PDE4D: variants seen among roughly 807,000 people sequenced by gnomAD.
The protein encoded by PDE4D is phosphodiesterase 4D.
A neutral mutation model predicts 87.4 loss-of-function variants in PDE4D; 24 were observed. The observed-to-expected ratio is 0.27, with a 90% CI of 0.20 to 0.39. The LOEUF is 0.39. PDE4D is among the 10% of genes least tolerant of loss of function. The pLI is 1.00. For missense variants in PDE4D, 714 were observed against 1,041.0 expected, an observed-to-expected ratio of 0.69 and a Z score of 4.32; for synonymous variants, 384 against 383.2, an observed-to-expected ratio of 1.00 and a Z score of -0.02.
intron 1 of PDE4D, among the ~76,000 whole-genome samples, chr5:59,484,870 TGA>T (rs200104228): frequency 0.016 from 2,473 of 152,288 alleles, 83 homozygotes; most frequent in African/African-American, 0.057. Flanking sequence ...TGAATTTCTC[TGA>T]GAGTTCTAAA....
rs539664434 is a variant in PDE4D, at chr5:58,991,003, G to A, written c.1189-101C>T. On this transcript the variant is annotated intron_variant, in intron 8 of 14. Transcript: ENST00000340635. ...TAAAAATTACAGACCTTAGGTGGCCGGGCATAGAGGCTCAAGCCTGTAATC... is the reference window on the plus strand; with the variant it reads ...TAAAAATTACAGACCTTAGGTGGCCAGGCATAGAGGCTCAAGCCTGTAATC... 155 of 697,468 alleles carry A rather than the reference G, an allele frequency of 2.2e-4. No homozygotes were observed. In the African/African-American group the frequency reaches 2.2e-3, roughly 10 times the overall value. The allele number at this position is 697,468 out of a possible 1,614,324, so 43.2% of individuals were successfully genotyped here.
intron 6 of PDE4D, among the ~76,000 whole-genome samples, chr5:58,996,717 G>T (rs1300382590): frequency 1.3e-5 from 2 of 152,164 alleles, no homozygotes; most frequent in African/African-American, 4.8e-5. Context: ...GCTACCTGCA[G>T]ATATGCTACA....
At chr5:59,121,130 T>C (rs1223582557) in intron 5 of PDE4D, among the ~76,000 whole-genome samples, 4 of 152,142 alleles carry the variant, frequency 2.6e-5, no homozygotes, top group Non-Finnish European at 4.4e-5. Context: ...TTCAGGACAT[T>C]GGTCTAGGCA....
chr5:59,431,210 G>GT (rs1215811615), intron 1 of PDE4D, among the ~76,000 whole-genome samples: 5 of 152,038 alleles, frequency 3.3e-5, no homozygotes, highest in African/African-American at 4.8e-5. Flanking sequence ...TTTGTAAGCT[G>GT]TTTTTTCATA....
chr5:59,923,202 C>G (rs979815319), intron 3 of PDE4D, among the ~76,000 whole-genome samples: 1 of 152,136 alleles, frequency 6.6e-6, no homozygotes, highest in South Asian at 2.1e-4. Context: ...AATAGAACAC[C>G]AGGTAGCTTC....
chr5:60,472,322 C>T lies in PDE4D; in HGVS notation c.-90+15620G>A, dbSNP rs190894628. The stretch of plus-strand genomic sequence containing the variant: ...AGGTCATTTTTCCCAGGTCACACAG[C>T]TAATAAGCAGCAAAGCCTGATTCCA... On this transcript the variant is annotated intron_variant, in intron 1 of 16. Coordinates refer to the PDE4D transcript ENST00000502484. Among the ~76,000 whole-genome samples the T allele has an allele frequency of 9.2e-5, 14 of 152,206 alleles. No individual in the cohort carries two copies. The East Asian group carries it at 2.7e-3, about 29-fold the overall frequency.
At chr5:60,408,223 C>T (rs1050648118) in intron 1 of PDE4D, among the ~76,000 whole-genome samples, 3 of 152,180 alleles carry the variant, frequency 2.0e-5, no homozygotes, top group Non-Finnish European at 4.4e-5. Flanking sequence ...TGACCTGTAG[C>T]TTCCTGCGTG....
chr5:59,707,597 C>A (rs984827680), intron 1 of PDE4D, among the ~76,000 whole-genome samples: 1 of 152,104 alleles, frequency 6.6e-6, no homozygotes, highest in African/African-American at 2.4e-5. Context: ...GTTGCTGAAC[C>A]TATCAACCCA....
intron 1 of PDE4D, among the ~76,000 whole-genome samples, chr5:59,823,955 G>A (rs1037556181): frequency 1.3e-4 from 19 of 151,214 alleles, no homozygotes; most frequent in East Asian, 5.8e-4. Context: ...TTGATTTAAC[G>A]TAGTCTCTGT....
At chr5:60,048,267 G>A (rs372023828) in intron 2 of PDE4D, among the ~76,000 whole-genome samples, 11 of 152,104 alleles carry the variant, frequency 7.2e-5, no homozygotes, top group Admixed American at 1.3e-4. Flanking sequence ...GTCTCTGCAC[G>A]TGAGATGGTT....
At chr5:59,424,991 A>G (rs1261595461) in intron 1 of PDE4D, among the ~76,000 whole-genome samples, 7 of 152,222 alleles carry the variant, frequency 4.6e-5, no homozygotes, top group Non-Finnish European at 8.8e-5. Context: ...CCTAGTCTGG[A>G]GCTACAATAA....
At chr5:60,063,253 CATT>C (rs1771690696) in intron 2 of PDE4D, among the ~76,000 whole-genome samples, 1 of 151,956 alleles carries the variant, frequency 6.6e-6, no homozygotes, top group African/African-American at 2.4e-5. Flanking sequence ...TTTATGTAAA[CATT>C]AGGATCCACT....
chr5:58,974,624 T>A lies in PDE4D; in HGVS notation c.*40A>T, dbSNP rs1743244212. 6.7e-7 allele frequency: 1 copy of A among 1,501,110 alleles called. No homozygotes were observed. The highest frequency in any genetic ancestry group is 1.4e-5 in the African/African-American group (1 of 70,444). The allele number at this position is 1,501,110 out of a possible 1,614,324, so 93.0% of individuals were successfully genotyped here. On this transcript the variant is annotated 3_prime_UTR_variant, in exon 15 of 15. Transcript: ENST00000340635. ...TGACATGCACTTTGGAAACAATTTT[T>A]CTACTTAAAAAAAAAAAAGGCATGA...
chr5:59,592,245 C>T (rs766239563), intron 1 of PDE4D: 12 of 604,528 alleles, frequency 2.0e-5, no homozygotes, highest in Middle Eastern at 8.5e-4. Context: ...TGTTGATAGT[C>T]ATGACTTTCC....
chr5:59,494,592 AC>A (rs1351330556), intron 1 of PDE4D, among the ~76,000 whole-genome samples: 2 of 152,218 alleles, frequency 1.3e-5, no homozygotes, highest in Non-Finnish European at 2.9e-5. Flanking sequence ...ATATGCCCAA[AC>A]TTTTGCAAAA....
chr5:59,992,783 A>T (rs1763145509), intron 2 of PDE4D, among the ~76,000 whole-genome samples: 1 of 152,156 alleles, frequency 6.6e-6, no homozygotes, highest in African/African-American at 2.4e-5. Context: ...GTTAGTTTAA[A>T]CCCACTTTCT....
intron 1 of PDE4D, among the ~76,000 whole-genome samples, chr5:60,415,578 A>C (rs757610117): frequency 1.1e-4 from 17 of 152,208 alleles, no homozygotes; most frequent in Non-Finnish European, 2.4e-4. Context: ...CACCCCGGGC[A>C]GTGAGGGGCT....
At chr5:59,775,704 G>C (rs991659405) in intron 1 of PDE4D, among the ~76,000 whole-genome samples, 1 of 152,124 alleles carries the variant, frequency 6.6e-6, no homozygotes, top group Non-Finnish European at 1.5e-5. Flanking sequence ...ACAAACGTTT[G>C]TTGTCTTTGT....
At chr5:60,173,887 C>G (rs1375514293) in intron 2 of PDE4D, among the ~76,000 whole-genome samples, 1 of 152,198 alleles carries the variant, frequency 6.6e-6, no homozygotes, top group Non-Finnish European at 1.5e-5. Context: ...CAAATACATG[C>G]AGTAACACTT....
Sources: allele counts gnomAD v4.1 joint callset (sites outside exome capture counted in the v4.1 genomes callset), GRCh38; gene constraint gnomAD v4.1.1; transcripts MANE v1.5; gene names NCBI Gene and HGNC (gene_info 2026-07-23, HGNC 2026-07-21).